CLDN14: variants seen among roughly 807,000 people sequenced by gnomAD.
The protein encoded by CLDN14 is claudin-14.
Under a neutral mutation model 2.1 loss-of-function variants are expected in CLDN14, and 2 were observed. The observed-to-expected ratio is 0.96, with a 90% CI of 0.39 to 3.01. The LOEUF (loss-of-function observed/expected upper bound fraction) is 3.01, where lower values mean the gene tolerates loss of function less well. Ranked by LOEUF, CLDN14 falls within the 30% of genes most tolerant of loss-of-function variation. The pLI is 0.09. For synonymous variants in CLDN14, 136 were observed against 154.4 expected, an observed-to-expected ratio of 0.88 and a Z score of 0.88; for missense variants, 298 against 328.0, an observed-to-expected ratio of 0.91 and a Z score of 0.71.
chr21:36,474,575 G>A (rs542531445), intron 1 of CLDN14, among the ~76,000 whole-genome samples: 11 of 151,978 alleles, frequency 7.2e-5, no homozygotes, highest in South Asian at 6.3e-4. Context: ...CATCAGCTTC[G>A]CCAGATTGCC....
intron 1 of CLDN14, among the ~76,000 whole-genome samples, chr21:36,540,871 A>T (rs1396216180): frequency 1.3e-5 from 2 of 152,208 alleles, no homozygotes; most frequent in African/African-American, 4.8e-5. Flanking sequence ...AAAGGCCACT[A>T]TGGTGACTCT....
Position 36,498,321 on chromosome 21 carries a change from C to T in CLDN14, c.-82+12042G>A, listed in dbSNP as rs937025983. Among the ~76,000 whole-genome samples, 22 of 152,000 alleles carry T rather than the reference C, an allele frequency of 1.4e-4. No individual in the cohort carries two copies. The South Asian group carries it at 2.3e-3, about 16-fold the overall frequency. The stretch of plus-strand genomic sequence containing the variant: ...CAGACAGGAAGATGCGTTTGTGAGC[C>T]GGGACAATTGTGAGTGGAAAGAGAA... On this transcript the variant is annotated intron_variant, in intron 2 of 2. Transcript: ENST00000342108. This position sits in a 1 kb window ranked among gnomAD's most constrained non-coding sequence, Gnocchi z 4.9.
chr21:36,482,940 G>A (rs140119285), upstream of CLDN14, among the ~76,000 whole-genome samples: 138 of 152,290 alleles, frequency 9.1e-4, 3 homozygotes, highest in East Asian at 0.023. Flanking sequence ...AGCATATTAC[G>A]TCTATTTACT....
chr21:36,465,134 G>A (rs1568842101), intron 1 of CLDN14, among the ~76,000 whole-genome samples: 4 of 152,270 alleles, frequency 2.6e-5, no homozygotes, highest in South Asian at 2.1e-4. Context: ...CCAGATCTCC[G>A]AATGGCCTCT....
intron 1 of CLDN14, among the ~76,000 whole-genome samples, chr21:36,546,344 C>T (rs148094665): frequency 6.6e-6 from 1 of 152,226 alleles, no homozygotes; most frequent in East Asian, 1.9e-4. Flanking sequence ...AGGGTGATTG[C>T]CCTGTGACAT....
intron 2 of CLDN14, among the ~76,000 whole-genome samples, chr21:36,490,916 C>T (rs1414740470): frequency 6.6e-6 from 1 of 151,054 alleles, no homozygotes. Flanking sequence ...GCACATATGC[C>T]AACACGTGTG....
intron 1 of CLDN14, among the ~76,000 whole-genome samples, chr21:36,475,148 C>T (rs185007116): frequency 7.7e-4 from 117 of 152,252 alleles, no homozygotes; most frequent in Non-Finnish European, 1.4e-3. Context: ...ACAGCCTTTC[C>T]CAGCACCATC....
At chr21:36,537,562 T>C (rs1476088017) in intron 1 of CLDN14, among the ~76,000 whole-genome samples, 1 of 152,182 alleles carries the variant, frequency 6.6e-6, no homozygotes, top group Non-Finnish European at 1.5e-5. Flanking sequence ...GAGAATGTCC[T>C]TGGTAGACAT....
intron 1 of CLDN14, among the ~76,000 whole-genome samples, chr21:36,465,493 TTACCAGC>T (rs2086634129): frequency 2.0e-5 from 3 of 152,236 alleles, no homozygotes; most frequent in African/African-American, 7.2e-5. Flanking sequence ...TCCTTCTTCC[TTACCAGC>T]AGCTGCTACT....
At chr21:36,488,617 A>G (rs893849951) in intron 2 of CLDN14, among the ~76,000 whole-genome samples, 1 of 140,770 alleles carries the variant, frequency 7.1e-6, no homozygotes, top group Admixed American at 7.1e-5. Context: ...ATTAATAGAG[A>G]CAGAAGGTAG....
At chr21:36,545,010 TCTGTTGGTAACTGAAAAATAAACCG>T (rs1372968727) in intron 1 of CLDN14, among the ~76,000 whole-genome samples, 3 of 152,224 alleles carry the variant, frequency 2.0e-5, no homozygotes, top group Non-Finnish European at 2.9e-5. Context: ...AGGTTGCATC[TCTGTTGGTAACTGAAAAATAAACCG>T]CTGTTCAGCC....
chr21:36,567,397 C>T (rs889676747), intron 1 of CLDN14, among the ~76,000 whole-genome samples: 1 of 152,246 alleles, frequency 6.6e-6, no homozygotes, highest in African/African-American at 2.4e-5. Context: ...GGGGAGCCAA[C>T]CGCAGATTAA....
intron 1 of CLDN14, among the ~76,000 whole-genome samples, chr21:36,562,859 A>C (rs536446378): frequency 6.6e-6 from 1 of 152,144 alleles, no homozygotes; most frequent in Admixed American, 6.5e-5. Context: ...CCCTGGCTTC[A>C]TGGGTAATTT....
chr21:36,527,168 A>T (rs1383445952), intron 1 of CLDN14, among the ~76,000 whole-genome samples: 1 of 152,256 alleles, frequency 6.6e-6, no homozygotes, highest in Non-Finnish European at 1.5e-5. Context: ...ATAATTTCAC[A>T]TGTTCAGACC....
chr21:36,490,677 C>T (rs970470041), intron 2 of CLDN14, among the ~76,000 whole-genome samples: 3 of 152,084 alleles, frequency 2.0e-5, no homozygotes, highest in African/African-American at 7.2e-5. Context: ...GTGTAAGCCA[C>T]CATGCCTGGC....
At chr21:36,569,386 A>C (rs890431104) in intron 1 of CLDN14, among the ~76,000 whole-genome samples, 1 of 151,786 alleles carries the variant, frequency 6.6e-6, no homozygotes, top group Non-Finnish European at 1.5e-5. Flanking sequence ...ACTATAGTCC[A>C]GCCTGGGCAA....
intron 1 of CLDN14, among the ~76,000 whole-genome samples, chr21:36,518,217 A>G (rs891480560): frequency 6.6e-6 from 1 of 152,328 alleles, no homozygotes; most frequent in African/African-American, 2.4e-5. Context: ...TGTGCTTTGC[A>G]AATTCTACCT....
intron 1 of CLDN14, among the ~76,000 whole-genome samples, chr21:36,511,472 G>A (rs1037703023): frequency 6.6e-6 from 1 of 152,128 alleles, no homozygotes; most frequent in South Asian, 2.1e-4. Context: ...ATCAATAGTA[G>A]TTTAAATGAT....
At chr21:36,481,047 A>G (rs2086840637), upstream of CLDN14, 1 of 152,170 alleles carries the variant, frequency 6.6e-6, no homozygotes, top group African/African-American at 2.4e-5. Flanking sequence ...CCACATCTGC[A>G]TAGCTTTTTT....
Sources: gnomAD v4.1 joint callset for allele counts (sites outside exome capture counted in the v4.1 genomes callset) on GRCh38, gnomAD v4.1.1 for gene constraint, Gnocchi (gnomAD v3.1) non-coding constraint, MANE v1.5 for transcripts, NCBI Gene and HGNC (gene_info 2026-07-23, HGNC 2026-07-21) for gene names.